TBC1D32: variants seen among roughly 807,000 people sequenced by gnomAD.
The protein encoded by TBC1D32 is protein broad-minded.
A neutral mutation model predicts 170.3 loss-of-function variants in TBC1D32; 151 were observed. The observed-to-expected ratio is 0.89, with a 90% confidence interval of 0.78 to 1.01. The LOEUF (loss-of-function observed/expected upper bound fraction) is 1.01, where lower values mean the gene tolerates loss of function less well. TBC1D32 is among the 50% of genes least tolerant of loss of function. TBC1D32 has a pLI of 0.00. For synonymous variants in TBC1D32, 498 were observed against 488.0 expected, an observed-to-expected ratio of 1.02 and a Z score of -0.27; for missense variants, 1,464 against 1,457.1, an observed-to-expected ratio of 1.00 and a Z score of -0.08.
At chr6:121,257,479 A>AT (rs151050140) in intron 15 of TBC1D32, among the ~76,000 whole-genome samples, 1,797 of 152,122 alleles carry the variant, frequency 0.012, 45 homozygotes, top group African/African-American at 0.042. Flanking sequence ...CCAAATTACG[A>AT]TTTTTCTGAT....
At chr6:121,140,441 A>G (rs1015482493) in intron 24 of TBC1D32, among the ~76,000 whole-genome samples, 8 of 151,970 alleles carry the variant, frequency 5.3e-5, no homozygotes, top group African/African-American at 1.9e-4. Context: ...TATCTGGCTA[A>G]AAGTATTGGA....
At chr6:121,135,262 A>G (rs369228821) in intron 24 of TBC1D32, among the ~76,000 whole-genome samples, 3 of 152,292 alleles carry the variant, frequency 2.0e-5, no homozygotes, top group African/African-American at 7.2e-5. Context: ...TATGAAAAAT[A>G]CATAGAATTC....
rs977948269 is a variant in TBC1D32 at position 121,149,330 on chromosome 6, C to A, written c.2773+10680G>T. On this transcript the variant is annotated intron_variant, in intron 24 of 31. Coordinates refer to ENST00000398212, the MANE Select transcript of TBC1D32 (RefSeq NM_152730.6). ...TGGTGTTTTAGTCATGAAGTCTTTG[C>A]CCATGTCTATGTCCTGAATGGTATT... Among the ~76,000 whole-genome samples, 7 of 152,080 alleles carry A rather than the reference C, an allele frequency of 4.6e-5. No homozygotes were observed. The South Asian group carries it at 1.5e-3, about 32-fold the overall frequency.
chr6:121,239,623 CAA>C (rs767198928), intron 19 of TBC1D32, among the ~76,000 whole-genome samples: 39 of 152,150 alleles, frequency 2.6e-4, no homozygotes, highest in South Asian at 1.5e-3. Context: ...GGTAGGCATC[CAA>C]AGAGTGTATG....
At chr6:121,254,442 G>T (rs879287550) in intron 17 of TBC1D32, among the ~76,000 whole-genome samples, 2 of 151,994 alleles carry the variant, frequency 1.3e-5, no homozygotes, top group Admixed American at 1.3e-4. Context: ...ATTAAAAAAT[G>T]AGATCTAAAA....
chr6:121,115,960 G>C (rs1043807097), intron 26 of TBC1D32, among the ~76,000 whole-genome samples: 4 of 152,142 alleles, frequency 2.6e-5, no homozygotes, highest in African/African-American at 9.7e-5. Context: ...AACAGTAGAG[G>C]ACCAAACTAA....
intron 22 of TBC1D32, among the ~76,000 whole-genome samples, chr6:121,200,562 A>C (rs1791407968): frequency 6.6e-6 from 1 of 151,684 alleles, no homozygotes; most frequent in Admixed American, 6.6e-5. Context: ...TTAACAAATA[A>C]ATGCTAACCA....
chr6:121,140,269 T>C (rs912598378), intron 24 of TBC1D32, among the ~76,000 whole-genome samples: 1 of 151,284 alleles, frequency 6.6e-6, no homozygotes, highest in Non-Finnish European at 1.5e-5. Context: ...TTATATAATA[T>C]ATACCTCCCC....
At chr6:121,243,927 C>T (rs1797299321) in intron 17 of TBC1D32, among the ~76,000 whole-genome samples, 1 of 151,972 alleles carries the variant, frequency 6.6e-6, no homozygotes. Context: ...TTCATTGCTA[C>T]AGTTAATATA....
At chr6:121,273,666 A>G (rs1801817943) in intron 15 of TBC1D32, among the ~76,000 whole-genome samples, 1 of 152,088 alleles carries the variant, frequency 6.6e-6, no homozygotes. Context: ...TGTTGAATCA[A>G]GTTTGGCCTA....
chr6:121,173,872 C>T (rs1787401633), intron 22 of TBC1D32, among the ~76,000 whole-genome samples: 1 of 150,228 alleles, frequency 6.7e-6, no homozygotes, highest in Non-Finnish European at 1.5e-5. Context: ...TGAAAAAGCT[C>T]ACATCTCTCC....
At chr6:121,148,160 AGT>A (rs993891623) in intron 24 of TBC1D32, among the ~76,000 whole-genome samples, 2 of 151,106 alleles carry the variant, frequency 1.3e-5, no homozygotes, top group African/African-American at 4.9e-5. Context: ...GACAGGCCCC[AGT>A]GTGTGATGTT....
At chr6:121,126,553 A>C in intron 25 of TBC1D32, 92 bp from the exon 26 acceptor site, 1 of 872,786 alleles carries the variant, frequency 1.1e-6, no homozygotes, top group Non-Finnish European at 1.8e-6. Flanking sequence ...GGTAAAAGTC[A>C]TCTGAACTTC....
rs202122007 is a variant in TBC1D32, at chr6:121,242,155, A to G, written c.2157+46T>C. 5.7e-6 allele frequency: 9 copies of G among 1,592,328 alleles called. No individual in the cohort carries two copies. The East Asian group carries it at 2.0e-4, about 36-fold the overall frequency. The stretch of plus-strand genomic sequence containing the variant: ...CAGAATGATGTTCTTAATGGCTTTT[A>G]AAACCACAAAAATTCCCTTTGCCTT... On this transcript the variant is annotated intron_variant, in intron 18 of 31. Transcript: ENST00000398212.
intron 24 of TBC1D32, among the ~76,000 whole-genome samples, chr6:121,157,492 G>C (rs1252950780): frequency 6.6e-6 from 1 of 152,032 alleles, no homozygotes; most frequent in Non-Finnish European, 1.5e-5. Flanking sequence ...GGGTGTTTAG[G>C]CCAGTTACAT....
intron 26 of TBC1D32, among the ~76,000 whole-genome samples, chr6:121,121,860 G>A (rs892687124): frequency 6.6e-6 from 1 of 151,998 alleles, no homozygotes; most frequent in African/African-American, 2.4e-5. Flanking sequence ...GTCAGAATTT[G>A]AGAAAGAAAT....
chr6:121,149,690 T>G (rs1783956477), intron 24 of TBC1D32, among the ~76,000 whole-genome samples: 1 of 152,196 alleles, frequency 6.6e-6, no homozygotes, highest in South Asian at 2.1e-4. Flanking sequence ...TCAGGTAGCA[T>G]GATGCCTCCA....
Position 121,300,539 on chromosome 6 carries a change from C to G in TBC1D32, c.1081-1034G>C, listed in dbSNP as rs180780920. On this transcript the variant is annotated intron_variant, in intron 9 of 31. Coordinates refer to ENST00000398212, the MANE Select transcript of TBC1D32 (RefSeq NM_152730.6). The stretch of plus-strand genomic sequence containing the variant: ...TAAATGGTGTTGGGAAAACTTAACT[C>G]AAGATGGATTAAAGACTTAAACATA... Among the ~76,000 whole-genome samples the G allele has an allele frequency of 5.7e-4, 86 of 152,140 alleles. 1 individual carries two copies. In the East Asian group the frequency reaches 0.012, roughly 22 times the overall value.
At position 121,160,080 on chromosome 6, in the gene TBC1D32, T is replaced by C; in HGVS notation, c.2703A>G (p.Pro901=). Residue 901 remains proline, a synonymous_variant, in exon 24 of 32, where the codon CCA becomes CCG. Transcript: ENST00000398212. The part of the protein sequence containing the change: ...LEKSDNPYPW[P]MFSSYPLPNC... The stretch of plus-strand genomic sequence containing the variant: ...TTGGCAATGGATATGATGAAAACAT[T>C]GGCCAAGGATATGGATTATCACTCT... 6.2e-7 allele frequency: 1 copy of C among 1,605,880 alleles called. No homozygotes were observed. The highest frequency in any genetic ancestry group is 8.5e-7 in the Non-Finnish European group (1 of 1,173,812).
Sources: gnomAD v4.1 joint callset for allele counts (sites outside exome capture counted in the v4.1 genomes callset) on GRCh38, gnomAD v4.1.1 for gene constraint, MANE v1.5 for transcripts, NCBI Gene and HGNC (gene_info 2026-07-23, HGNC 2026-07-21) for gene names.